Variants in PTPRG observed in about 807,000 individuals in gnomAD.
The protein encoded by PTPRG is protein tyrosine phosphatase receptor type G, also known as receptor-type tyrosine-protein phosphatase gamma.
Under a neutral mutation model 165.3 loss-of-function variants are expected in PTPRG, and 102 were observed. The observed-to-expected ratio is 0.62, with a 90% CI of 0.53 to 0.73. The LOEUF (loss-of-function observed/expected upper bound fraction) is 0.73, where lower values mean the gene tolerates loss of function less well. PTPRG is among the 30% of genes least tolerant of loss of function. PTPRG has a pLI of 0.00. For missense variants in PTPRG, 1,866 were observed against 1,861.4 expected (o/e 1.00, Z -0.05); for synonymous variants, 675 against 669.5 (o/e 1.01, Z -0.13).
intron 1 of PTPRG, among the ~76,000 whole-genome samples, chr3:61,707,307 T>A (rs1435171609): frequency 6.6e-6 from 1 of 152,232 alleles, no homozygotes; most frequent in Non-Finnish European, 1.5e-5. Flanking sequence ...GGGATCTATA[T>A]GGAGAGAAAG....
chr3:61,776,779 TC>T (rs2034396698), intron 2 of PTPRG, among the ~76,000 whole-genome samples: 1 of 152,146 alleles, frequency 6.6e-6, no homozygotes, highest in South Asian at 2.1e-4. Flanking sequence ...TAACTGTGCT[TC>T]TTCTTGTGTA....
At chr3:61,615,721 T>C (rs1201852521) in intron 1 of PTPRG, among the ~76,000 whole-genome samples, 1 of 152,206 alleles carries the variant, frequency 6.6e-6, no homozygotes, top group Non-Finnish European at 1.5e-5. Flanking sequence ...TTACCATCAT[T>C]ATTTTGATGC....
chr3:61,565,598 C>G (rs1272864704), intron 1 of PTPRG, among the ~76,000 whole-genome samples: 1 of 151,838 alleles, frequency 6.6e-6, no homozygotes, highest in Non-Finnish European at 1.5e-5. Context: ...TTTACATTCT[C>G]AAGCTCAGCA....
intron 16 of PTPRG, among the ~76,000 whole-genome samples, chr3:62,258,062 C>T (rs561356814): frequency 7.2e-5 from 11 of 152,164 alleles, no homozygotes; most frequent in African/African-American, 2.4e-4. Flanking sequence ...GATCATGCCT[C>T]GGTGCCTTAA....
chr3:61,673,045 G>C (rs575562895), intron 1 of PTPRG, among the ~76,000 whole-genome samples: 26 of 152,190 alleles, frequency 1.7e-4, no homozygotes, highest in African/African-American at 5.8e-4. Context: ...CGTAGTCCTA[G>C]CTACTCGGAG....
intron 1 of PTPRG, among the ~76,000 whole-genome samples, chr3:61,675,010 T>C (rs570727148): frequency 5.9e-5 from 9 of 152,352 alleles, no homozygotes; most frequent in Middle Eastern, 3.4e-3. Flanking sequence ...TCAGTGCTGA[T>C]TGTTGAATCA....
intron 2 of PTPRG, among the ~76,000 whole-genome samples, chr3:61,872,327 A>T (rs967984323): frequency 6.6e-6 from 1 of 152,082 alleles, no homozygotes; most frequent in African/African-American, 2.4e-5. Flanking sequence ...TAGTCACTTC[A>T]CTCCAGTCTG....
intron 1 of PTPRG, among the ~76,000 whole-genome samples, chr3:61,616,401 TCAA>T (rs2106885368): frequency 6.6e-6 from 1 of 152,342 alleles, no homozygotes; most frequent in South Asian, 2.1e-4. Flanking sequence ...ATTCACAAGT[TCAA>T]CAACACATGC....
chr3:61,968,829 A>G (rs1459273589), intron 2 of PTPRG, among the ~76,000 whole-genome samples: 3 of 152,148 alleles, frequency 2.0e-5, no homozygotes, highest in African/African-American at 4.8e-5. Context: ...GGGACTGTGG[A>G]AAGAAAATCT....
At chr3:61,945,304 AATCTCAGCACT>A (rs1443790829) in intron 2 of PTPRG, among the ~76,000 whole-genome samples, 2 of 152,132 alleles carry the variant, frequency 1.3e-5, no homozygotes, top group African/African-American at 4.8e-5. Flanking sequence ...TCACGCCTGT[AATCTCAGCACT>A]TTGGGAGGCC....
At chr3:61,626,850 ACT>A (rs1248137005) in intron 1 of PTPRG, among the ~76,000 whole-genome samples, 13 of 152,218 alleles carry the variant, frequency 8.5e-5, no homozygotes, top group African/African-American at 3.1e-4. Flanking sequence ...AGGAATAGTA[ACT>A]CAAATCAAGA....
chr3:61,748,391 A>T (rs1449425068), intron 1 of PTPRG, among the ~76,000 whole-genome samples: 1 of 152,212 alleles, frequency 6.6e-6, no homozygotes, highest in African/African-American at 2.4e-5. Context: ...AAGAGATAGA[A>T]TGACCCTGGC....
rs145475670 is a variant in PTPRG at position 62,068,213 on chromosome 3, C to T, written c.520-9950C>T. Reference sequence around the variant, plus strand: ...TTAATTGATGTAAAACGTTCAGAATCGGGCACATTTAAACAACCCTCCTGA... The same window carrying T: ...TTAATTGATGTAAAACGTTCAGAATTGGGCACATTTAAACAACCCTCCTGA... On this transcript the variant is annotated intron_variant, in intron 4 of 29. Transcript: ENST00000474889. 3.4e-3 allele frequency among the ~76,000 whole-genome samples: 519 copies of T among 152,156 alleles called. 5 individuals carry two copies. Among genetic ancestry groups the T allele is most frequent in the African/African-American group, 0.012 (496 of 41,506 alleles).
intron 2 of PTPRG, among the ~76,000 whole-genome samples, chr3:61,916,597 G>A (rs2038941727): frequency 1.3e-5 from 2 of 152,052 alleles, no homozygotes; most frequent in Admixed American, 6.6e-5. Flanking sequence ...ATGCCTATTC[G>A]ATTGTTTCTC....
intron 1 of PTPRG, among the ~76,000 whole-genome samples, chr3:61,644,197 A>G (rs1316822380): frequency 6.6e-6 from 1 of 152,198 alleles, no homozygotes; most frequent in Non-Finnish European, 1.5e-5. Flanking sequence ...TTGGAAAATC[A>G]TTTTTGGCAG....
intron 2 of PTPRG, among the ~76,000 whole-genome samples, chr3:61,826,679 C>T (rs1376404167): frequency 6.6e-6 from 1 of 152,148 alleles, no homozygotes; most frequent in Non-Finnish European, 1.5e-5. Context: ...AAAATACTTG[C>T]TTCTTACTCT....
chr3:61,955,291 T>G (rs967644514), intron 2 of PTPRG, among the ~76,000 whole-genome samples: 17 of 152,248 alleles, frequency 1.1e-4, no homozygotes, highest in Non-Finnish European at 2.4e-4. Context: ...TGGCCACTTT[T>G]TTTTTCTCTT....
intron 1 of PTPRG, among the ~76,000 whole-genome samples, chr3:61,737,427 C>T (rs2032760610): frequency 6.6e-6 from 1 of 152,140 alleles, no homozygotes; most frequent in Non-Finnish European, 1.5e-5. Flanking sequence ...CTAAATCTTA[C>T]CAAACTTCCT....
At chr3:62,039,069 G>C (rs1295500646) in intron 4 of PTPRG, among the ~76,000 whole-genome samples, 5 of 152,126 alleles carry the variant, frequency 3.3e-5, no homozygotes, top group Admixed American at 6.5e-5. Flanking sequence ...TGAGTAGCTG[G>C]AACTACAGGC....
Sources: gnomAD v4.1 joint callset for allele counts (sites outside exome capture counted in the v4.1 genomes callset) on GRCh38, gnomAD v4.1.1 for gene constraint, MANE v1.5 for transcripts, NCBI Gene and HGNC (gene_info 2026-07-23, HGNC 2026-07-21) for gene names.